Variants in MRPL45 observed in about 807,000 individuals in gnomAD.
MRPL45 encodes the protein large ribosomal subunit protein mL45.
Under a neutral mutation model 38.1 loss-of-function variants are expected in MRPL45, and 20 were observed. The ratio of observed to expected loss-of-function variants is 0.53; its 90% CI spans 0.37 to 0.76. MRPL45 has a LOEUF of 0.76. Among genes scored for constraint, MRPL45 ranks in the 30% least tolerant of loss-of-function variants. The probability of loss-of-function intolerance (pLI) is 0.00; values close to 1 mark genes in which losing one functional copy is unlikely to be tolerated. For synonymous variants in MRPL45, 105 were observed against 128.8 expected, an observed-to-expected ratio of 0.82 and a Z score of 1.25; for missense variants, 337 against 395.6, an observed-to-expected ratio of 0.85 and a Z score of 1.26.
chr17:38,298,492 C>G lies in MRPL45; in HGVS notation c.110C>G (p.Thr37Ser). 1 of 1,613,948 alleles carries G rather than the reference C, an allele frequency of 6.2e-7. No individual in the cohort carries two copies. The highest frequency in any genetic ancestry group is 1.1e-5 in the South Asian group (1 of 91,074). Residue 37 changes from threonine to serine, a missense_variant, in exon 2 of 8, where the codon ACT (threonine) becomes AGT (serine). Around this residue, in one of 3 missense-constraint regions of MRPL45, gnomAD observed 60 missense variants for 109.6 expected, o/e 0.55. Coordinates refer to ENST00000613675, the MANE Select transcript of MRPL45 (RefSeq NM_032351.6). ...TQSAAIVPVR[T>S]KKRFTPPIYQ... The stretch of plus-strand genomic sequence containing the variant: ...TCCGCAGCTATAGTTCCAGTAAGAA[C>G]TAAAAAACGTTTCACACCTCCTATT...
At chr17:38,311,452 C>T (rs1012543772) in intron 4 of MRPL45, among the ~76,000 whole-genome samples, 4 of 152,100 alleles carry the variant, frequency 2.6e-5, no homozygotes, top group African/African-American at 9.7e-5. Flanking sequence ...CTTTGGGAGG[C>T]TGAGGCAGGC....
chr17:38,311,895 A>G (rs1227521669), intron 4 of MRPL45, among the ~76,000 whole-genome samples: 1 of 152,124 alleles, frequency 6.6e-6, no homozygotes, highest in East Asian at 1.9e-4. Context: ...TTGTTACAGC[A>G]TCCTGAACAG....
At chr17:38,300,761 A>G (rs1001013794) in intron 3 of MRPL45, among the ~76,000 whole-genome samples, 5 of 152,112 alleles carry the variant, frequency 3.3e-5, no homozygotes, top group African/African-American at 1.2e-4. Flanking sequence ...AGCCCGACCA[A>G]CATGGAGAAA....
In MRPL45 at chr17:38,304,220, C is replaced by G. The variant is rs149786484; in HGVS notation, c.363-2313C>G. ...GCATGGTGGGTCATGCCTGTAATCT[C>G]AACACTTTGGGAGGCTGAGGCAGGA... is the stretch of plus-strand genomic sequence containing the variant. On this transcript the variant is annotated intron_variant, in intron 3 of 7. Coordinates refer to ENST00000613675, the MANE Select transcript of MRPL45 (RefSeq NM_032351.6). Among the ~76,000 whole-genome samples, 488 of 152,236 alleles carry G rather than the reference C, an allele frequency of 3.2e-3. 1 individual carries two copies. Among genetic ancestry groups the G allele is most frequent in the African/African-American group, 0.011 (460 of 41,540 alleles).
intron 7 of MRPL45, 75 bp from the exon 8 acceptor site, chr17:38,322,434 G>T: frequency 8.5e-7 from 1 of 1,181,206 alleles, no homozygotes. Flanking sequence ...GTGGGTGGGT[G>T]GGAGCAAGGG....
At chr17:38,308,818 C>CCCACCTCAGGTGATCT (rs2037079663) in intron 4 of MRPL45, among the ~76,000 whole-genome samples, 1 of 151,924 alleles carries the variant, frequency 6.6e-6, no homozygotes, top group Non-Finnish European at 1.5e-5. Flanking sequence ...TCAGGTGATC[C>CCCACCTCAGGTGATCT]GCCCTCCTCA....
At chr17:38,319,694 T>C (rs1228457337) in intron 5 of MRPL45, among the ~76,000 whole-genome samples, 1 of 152,124 alleles carries the variant, frequency 6.6e-6, no homozygotes, top group Non-Finnish European at 1.5e-5. Flanking sequence ...GCCTGCACTA[T>C]CATGAGGGAT....
At chr17:38,300,685 G>C (rs897984790) in intron 3 of MRPL45, among the ~76,000 whole-genome samples, 4 of 152,038 alleles carry the variant, frequency 2.6e-5, no homozygotes, top group Admixed American at 2.6e-4. Context: ...GGTGGCTCAC[G>C]TCTGTAATCC....
chr17:38,313,308 A>AT (rs1567716419), intron 4 of MRPL45, among the ~76,000 whole-genome samples: 4 of 20,964 alleles, frequency 1.9e-4, no homozygotes, highest in African/African-American at 6.3e-4. Flanking sequence ...AAAAAAAAAA[A>AT]AAAATATATA....
chr17:38,318,025 T>C (rs1044180839), intron 4 of MRPL45, among the ~76,000 whole-genome samples: 1 of 151,704 alleles, frequency 6.6e-6, no homozygotes, highest in Admixed American at 6.6e-5. Flanking sequence ...GCTAAAAACA[T>C]GGTGAAACCC....
At chr17:38,318,025 T>A (rs1044180839) in intron 4 of MRPL45, among the ~76,000 whole-genome samples, 1 of 151,588 alleles carries the variant, frequency 6.6e-6, no homozygotes, top group Non-Finnish European at 1.5e-5. Context: ...GCTAAAAACA[T>A]GGTGAAACCC....
intron 4 of MRPL45, among the ~76,000 whole-genome samples, chr17:38,317,026 G>C (rs2037180812): frequency 6.6e-6 from 1 of 152,042 alleles, no homozygotes; most frequent in Non-Finnish European, 1.5e-5. Context: ...TTGATCTCCT[G>C]ACCTCGTGAT....
At chr17:38,306,423 A>T in intron 3 of MRPL45, 110 bp from the exon 4 acceptor site, 1 of 1,382,010 alleles carries the variant, frequency 7.2e-7, no homozygotes, top group Non-Finnish European at 9.8e-7. Flanking sequence ...AAAAAAAAAA[A>T]AGCTAAACAG....
intron 4 of MRPL45, among the ~76,000 whole-genome samples, chr17:38,318,165 G>A (rs531189418): frequency 1.1e-4 from 15 of 137,476 alleles, no homozygotes; most frequent in South Asian, 4.6e-4. Context: ...CCGAGATCGC[G>A]CCACTGCACT....
chr17:38,306,465 G>A, intron 3 of MRPL45, 68 bp from the exon 4 acceptor site: 3 of 1,436,044 alleles, frequency 2.1e-6, no homozygotes, highest in Non-Finnish European at 9.5e-7. Context: ...ATGAATGGAG[G>A]TCAGTGTAGG....
At chr17:38,319,416 G>T (rs2037208963) in intron 5 of MRPL45, among the ~76,000 whole-genome samples, 1 of 151,892 alleles carries the variant, frequency 6.6e-6, no homozygotes, top group Admixed American at 6.6e-5. Flanking sequence ...TGATCCGCCC[G>T]CCTCGGCCTC....
chr17:38,311,684 CAAA>C (rs756151374), intron 4 of MRPL45, among the ~76,000 whole-genome samples: 25 of 92,284 alleles, frequency 2.7e-4, no homozygotes, highest in African/African-American at 4.2e-4. Context: ...GACTCCGTCT[CAAA>C]AAAAAAAAAA....
chr17:38,322,353 A>G, intron 7 of MRPL45, 54 bp downstream of exon 7: 3 of 1,444,970 alleles, frequency 2.1e-6, no homozygotes, highest in Non-Finnish European at 2.8e-6. Flanking sequence ...TGGTCTCCTA[A>G]GCCACTCTGT....
At chr17:38,312,722 T>C (rs1221127571) in intron 4 of MRPL45, among the ~76,000 whole-genome samples, 3 of 152,150 alleles carry the variant, frequency 2.0e-5, no homozygotes, top group Admixed American at 6.6e-5. Flanking sequence ...TGCATGCCTG[T>C]AGTCCCAGCT....
Sources: allele counts gnomAD v4.1 joint callset (sites outside exome capture counted in the v4.1 genomes callset), GRCh38; gene constraint gnomAD v4.1.1; regional missense constraint gnomAD v4.1.1; transcripts MANE v1.5; gene names NCBI Gene and HGNC (gene_info 2026-07-23, HGNC 2026-07-21).